Variants in NIPBL observed in about 807,000 individuals in gnomAD.
The protein encoded by NIPBL is NIPBL cohesin loading factor.
NIPBL carries 19 observed loss-of-function variants against 321.8 expected under a neutral mutation model. That is an observed-to-expected ratio of 0.06 (90% CI 0.04 to 0.09). NIPBL has a LOEUF of 0.09. Among genes scored for constraint, NIPBL ranks in the 10% least tolerant of loss-of-function variants. NIPBL has a pLI of 1.00. For missense variants in NIPBL, 2,210 were observed against 3,327.0 expected (o/e 0.66, Z 8.26); for synonymous variants, 1,106 against 1,114.1 (o/e 0.99, Z 0.14).
At chr5:36,994,117 T>A (rs1307004077) in intron 10 of NIPBL, among the ~76,000 whole-genome samples, 3 of 152,090 alleles carry the variant, frequency 2.0e-5, no homozygotes, top group Non-Finnish European at 4.4e-5. Context: ...ACCAGTATTC[T>A]AAAAAAGAGG....
chr5:36,922,078 G>C (rs1246909267), intron 1 of NIPBL, among the ~76,000 whole-genome samples: 2 of 151,638 alleles, frequency 1.3e-5, no homozygotes, highest in East Asian at 3.9e-4. Context: ...AGTAGAGGCG[G>C]GGTTTCACCA....
At chr5:36,923,918 C>A (rs574247051) in intron 1 of NIPBL, among the ~76,000 whole-genome samples, 1 of 152,172 alleles carries the variant, frequency 6.6e-6, no homozygotes, top group East Asian at 1.9e-4. Flanking sequence ...TGAATGAATT[C>A]CTGTTTTAAA....
intron 1 of NIPBL, among the ~76,000 whole-genome samples, chr5:36,948,152 CAAATTTT>C (rs975465620): frequency 6.6e-6 from 1 of 151,888 alleles, no homozygotes; most frequent in African/African-American, 2.4e-5. Flanking sequence ...TGGCCAAACT[CAAATTTT>C]AAAGGGCAGA....
At chr5:36,952,621 A>C (rs899640145) in intron 1 of NIPBL, among the ~76,000 whole-genome samples, 1 of 152,212 alleles carries the variant, frequency 6.6e-6, no homozygotes, top group Non-Finnish European at 1.5e-5. Context: ...AGTTTTACAG[A>C]ATGTCTTCAT....
intron 1 of NIPBL, among the ~76,000 whole-genome samples, chr5:36,915,368 A>G (rs1310816796): frequency 6.6e-6 from 1 of 152,156 alleles, no homozygotes. Context: ...CTAGTTATAA[A>G]CAAAGTCAGT....
intron 26 of NIPBL, 46 bp from the exon 27 acceptor site, chr5:37,020,729 A>C: frequency 6.2e-7 from 1 of 1,603,480 alleles, no homozygotes; most frequent in Non-Finnish European, 8.5e-7. Flanking sequence ...TATTTCCCTA[A>C]GTTACAAAAA....
At chr5:36,881,435 A>T (rs1745494006) in intron 1 of NIPBL, among the ~76,000 whole-genome samples, 1 of 151,882 alleles carries the variant, frequency 6.6e-6, no homozygotes, top group Non-Finnish European at 1.5e-5. Flanking sequence ...TAGCATTGCC[A>T]GCTAAGATTT....
At chr5:37,064,175 A>G in intron 46 of NIPBL, 197 bp downstream of exon 46, 2 of 1,418,798 alleles carry the variant, frequency 1.4e-6, no homozygotes, top group African/African-American at 1.4e-5. Flanking sequence ...ACAATAAAAA[A>G]ACAGAAATGA....
At chr5:37,031,141 G>A (rs1018589797) in intron 32 of NIPBL, among the ~76,000 whole-genome samples, 1 of 151,674 alleles carries the variant, frequency 6.6e-6, no homozygotes, top group Non-Finnish European at 1.5e-5. Context: ...CCACCACCAC[G>A]CCTGGCTAAT....
Position 37,064,950 on chromosome 5 carries a change from A to T in NIPBL, c.*58A>T, listed in dbSNP as rs553340093. The T allele has an allele frequency of 3.1e-6, 5 of 1,603,652 alleles. No individual in the cohort carries two copies. In the South Asian group the frequency reaches 3.3e-5, roughly 11 times the overall value. ...TTTTTTTAAAAGGCAGAAAAACTTG[A>T]AATACCAACATTCTGGCAAAAAAAA... On this transcript the variant is annotated 3_prime_UTR_variant, in exon 47 of 47. Coordinates refer to ENST00000282516, the MANE Select transcript of NIPBL (RefSeq NM_133433.4).
intron 14 of NIPBL, among the ~76,000 whole-genome samples, chr5:37,001,638 G>T (rs1746817043): frequency 6.6e-6 from 1 of 152,088 alleles, no homozygotes; most frequent in African/African-American, 2.4e-5. Flanking sequence ...AGTATGTTAA[G>T]TGCTGGAGAT....
In NIPBL at chr5:36,975,901, G is replaced by A; in HGVS notation, c.994G>A (p.Gly332Ser). ...KQKKQKKMKL[G>S]KDEKEQSEKA... The stretch of plus-strand genomic sequence containing the variant: ...AAAGAAGCAGAAGAAAATGAAATTA[G>A]GCAAGGATGAAAAAGAGCAGAGTGA... Residue 332 changes from glycine to serine, a missense_variant, in exon 9 of 47, where the codon GGC becomes AGC. By Grantham distance (56) the Gly-to-Ser change is moderately conservative. Transcript: ENST00000282516. 6.2e-7 allele frequency: 1 copy of A among 1,612,444 alleles called. No homozygotes were observed. The highest frequency in any genetic ancestry group is 8.5e-7 in the Non-Finnish European group (1 of 1,179,230).
intron 1 of NIPBL, among the ~76,000 whole-genome samples, chr5:36,887,441 G>A (rs1746000658): frequency 6.6e-6 from 1 of 152,126 alleles, no homozygotes; most frequent in South Asian, 2.1e-4. Flanking sequence ...GAAAAGCAGT[G>A]CCCTTTACTG....
chr5:36,957,945 T>C (rs946345016), intron 3 of NIPBL, among the ~76,000 whole-genome samples, 159 bp from the exon 4 acceptor site: 17 of 149,532 alleles, frequency 1.1e-4, no homozygotes, highest in Non-Finnish European at 2.1e-4. Flanking sequence ...ATTGTACCAT[T>C]GCACTCCAGC....
chr5:36,974,298 A>G (rs1015254950), intron 8 of NIPBL, among the ~76,000 whole-genome samples: 1 of 152,186 alleles, frequency 6.6e-6, no homozygotes, highest in Non-Finnish European at 1.5e-5. Context: ...TTCTGTCATG[A>G]AGTTGTTTTC....
At chr5:36,905,830 G>A (rs1402437981) in intron 1 of NIPBL, among the ~76,000 whole-genome samples, 3 of 151,724 alleles carry the variant, frequency 2.0e-5, no homozygotes, top group African/African-American at 4.8e-5. Flanking sequence ...TGCAAGCTCC[G>A]CCTCCCGGGT....
At chr5:36,887,506 C>G (rs1316494334) in intron 1 of NIPBL, among the ~76,000 whole-genome samples, 1 of 152,106 alleles carries the variant, frequency 6.6e-6, no homozygotes, top group Non-Finnish European at 1.5e-5. Flanking sequence ...TTTATTCGAC[C>G]ACCTCTCCCC....
rs1747563198 is a variant in NIPBL, at chr5:37,007,371, A to G, written c.4136A>G (p.Lys1379Arg). 6.2e-7 allele frequency: 1 copy of G among 1,612,178 alleles called. No homozygotes were observed. Among genetic ancestry groups the G allele is most frequent in the African/African-American group, 1.3e-5 (1 of 74,858 alleles). Residue 1379 changes from lysine to arginine, a missense_variant, in exon 18 of 47, where the codon AAG becomes AGG. Coordinates refer to ENST00000282516, the MANE Select transcript of NIPBL (RefSeq NM_133433.4). ...KAKRAKCSTH[K>R]QRVIVMLYNK... ...AAACGGGCTAAATGTTCTACCCATA[A>G]GCAGAGAGTAATAGTAATGCTTTAT...
At chr5:36,961,729 C>T in intron 5 of NIPBL, 146 bp downstream of exon 5, 1 of 693,996 alleles carries the variant, frequency 1.4e-6, no homozygotes, top group East Asian at 2.7e-5. Flanking sequence ...TTGCATTTGC[C>T]TTAAAATGTT....
Sources: gnomAD v4.1 joint callset for allele counts (sites outside exome capture counted in the v4.1 genomes callset) on GRCh38, gnomAD v4.1.1 for gene constraint, MANE v1.5 for transcripts, NCBI Gene and HGNC (gene_info 2026-07-23, HGNC 2026-07-21) for gene names.